The following CACNA1E variants were observed in gnomAD, a reference collection of about 807,000 sequenced individuals.
CACNA1E encodes the protein voltage-dependent R-type calcium channel subunit alpha-1E.
In CACNA1E, 40 loss-of-function variants were observed where a neutral mutation model predicts 259.2. The observed-to-expected ratio is 0.15, with a 90% CI of 0.12 to 0.20. CACNA1E has a LOEUF of 0.20. Among genes scored for constraint, CACNA1E ranks in the 10% least tolerant of loss-of-function variants. The pLI, the probability that CACNA1E is intolerant of heterozygous loss-of-function variation, is 1.00. For missense variants in CACNA1E, 1,874 were observed against 3,040.1 expected, an observed-to-expected ratio of 0.62 and a Z score of 9.02; for synonymous variants, 1,104 against 1,138.5, an observed-to-expected ratio of 0.97 and a Z score of 0.61.
chr1:181,482,306 G>A (rs1401913849), upstream of CACNA1E, among the ~76,000 whole-genome samples: 1 of 152,264 alleles, frequency 6.6e-6, no homozygotes, highest in Non-Finnish European at 1.5e-5. Context: ...ACAGGGCACA[G>A]CACTGGGGAC....
At chr1:181,425,512 A>G (rs1168119277) in intron 2 of CACNA1E, among the ~76,000 whole-genome samples, 1 of 150,686 alleles carries the variant, frequency 6.6e-6, no homozygotes, top group Non-Finnish European at 1.5e-5. Context: ...ATATTTATGA[A>G]ATTGCTGTAC....
At chr1:181,721,247 C>G (rs1654385871) in intron 15 of CACNA1E, among the ~76,000 whole-genome samples, 1 of 152,154 alleles carries the variant, frequency 6.6e-6, no homozygotes, top group African/African-American at 2.4e-5. Flanking sequence ...CCCTACTCCC[C>G]CCAAAACTCA....
At chr1:181,783,916 A>C in intron 40 of CACNA1E, 132 bp downstream of exon 40, 1 of 587,960 alleles carries the variant, frequency 1.7e-6, no homozygotes, top group East Asian at 2.8e-5. Flanking sequence ...CTGAACATCA[A>C]GTATCTGACT....
At chr1:181,477,799 C>T (rs4652657) in intron 2 of CACNA1E, among the ~76,000 whole-genome samples, 3,689 of 152,260 alleles carry the variant, frequency 0.024, 104 homozygotes, top group East Asian at 0.13. Context: ...CAAGTACTTA[C>T]GTAGCACATA....
chr1:181,782,883 A>T lies in CACNA1E; in HGVS notation c.5365-796A>T, dbSNP rs540985904. Among the ~76,000 whole-genome samples, 419 of 152,284 alleles carry T rather than the reference A, an allele frequency of 2.8e-3. 6 individuals are homozygous for T. The highest frequency in any genetic ancestry group is 8.2e-3 in the Admixed American group (126 of 15,302). On this transcript the variant is annotated intron_variant, in intron 39 of 47. Transcript: ENST00000367573. ...GCTTGGTGGGAGAAGGGGAGCGGGG[A>T]TTGGAGGAAAAGTTAAAGAGCTCCA...
chr1:181,597,448 A>G (rs1653300737), intron 6 of CACNA1E, among the ~76,000 whole-genome samples: 2 of 152,204 alleles, frequency 1.3e-5, no homozygotes, highest in Non-Finnish European at 1.5e-5. Context: ...GACAAAACAC[A>G]CTTCGTTGGG....
chr1:181,439,996 C>T (rs929302319), intron 2 of CACNA1E, among the ~76,000 whole-genome samples: 1 of 152,092 alleles, frequency 6.6e-6, no homozygotes, highest in African/African-American at 2.4e-5. Context: ...GAGTACAATC[C>T]TTTCGGCAAT....
At chr1:181,719,273 CA>C (rs1484129901) in intron 12 of CACNA1E, among the ~76,000 whole-genome samples, 2 of 152,200 alleles carry the variant, frequency 1.3e-5, no homozygotes, top group African/African-American at 4.8e-5. Flanking sequence ...GATCCTACAT[CA>C]CCATGAACTG....
At chr1:181,427,180 T>A (rs1426060383) in intron 2 of CACNA1E, among the ~76,000 whole-genome samples, 2 of 150,540 alleles carry the variant, frequency 1.3e-5, no homozygotes, top group Non-Finnish European at 3.0e-5. Context: ...AACGCCTCCC[T>A]ATTTCACCCT....
At chr1:181,561,739 T>A (rs1212994291) in intron 3 of CACNA1E, among the ~76,000 whole-genome samples, 1 of 152,242 alleles carries the variant, frequency 6.6e-6, no homozygotes, top group Non-Finnish European at 1.5e-5. Context: ...GTAGCTGTGA[T>A]AAATAACTAT....
At chr1:181,554,408 T>C (rs1196235101) in intron 3 of CACNA1E, among the ~76,000 whole-genome samples, 6 of 152,232 alleles carry the variant, frequency 3.9e-5, no homozygotes, top group Non-Finnish European at 8.8e-5. Flanking sequence ...ATTGTGTCAG[T>C]GTAGCAGATG....
intron 3 of CACNA1E, among the ~76,000 whole-genome samples, chr1:181,577,102 C>A (rs186091454): frequency 6.6e-6 from 1 of 152,270 alleles, no homozygotes; most frequent in Admixed American, 6.5e-5. Context: ...TTGGTGTACA[C>A]AATCTAATAG....
chr1:181,674,098 G>A (rs1239361671), intron 7 of CACNA1E, among the ~76,000 whole-genome samples: 1 of 151,910 alleles, frequency 6.6e-6, no homozygotes, highest in Non-Finnish European at 1.5e-5. Flanking sequence ...GTAAGCAGAG[G>A]GCTGGGCGCG....
At chr1:181,326,097 C>T (rs1200516959) in intron 1 of CACNA1E, among the ~76,000 whole-genome samples, 2 of 152,174 alleles carry the variant, frequency 1.3e-5, no homozygotes, top group East Asian at 1.9e-4. Flanking sequence ...CCTTCCCCAG[C>T]GCCTCATTTC....
intron 2 of CACNA1E, among the ~76,000 whole-genome samples, chr1:181,447,191 T>C (rs985333874): frequency 1.3e-5 from 2 of 148,918 alleles, no homozygotes; most frequent in Non-Finnish European, 3.0e-5. Context: ...TGTTATTCTA[T>C]TTTGGGATTT....
intron 1 of CACNA1E, among the ~76,000 whole-genome samples, chr1:181,408,274 G>T (rs931053199): frequency 6.6e-6 from 1 of 152,154 alleles, no homozygotes; most frequent in Non-Finnish European, 1.5e-5. Flanking sequence ...GTGGGAATAG[G>T]ATGGGCATGC....
intron 7 of CACNA1E, among the ~76,000 whole-genome samples, chr1:181,689,459 T>C (rs775477383): frequency 6.6e-6 from 1 of 152,228 alleles, no homozygotes; most frequent in Non-Finnish European, 1.5e-5. Flanking sequence ...TATATCTTTA[T>C]AGTAGAATGA....
intron 25 of CACNA1E, among the ~76,000 whole-genome samples, chr1:181,744,540 A>G (rs1656879336): frequency 6.6e-6 from 1 of 152,244 alleles, no homozygotes; most frequent in Non-Finnish European, 1.5e-5. Context: ...CACGCTCAGC[A>G]CAGCATAGAA....
At chr1:181,671,881 C>T (rs545458701) in intron 7 of CACNA1E, among the ~76,000 whole-genome samples, 1 of 152,326 alleles carries the variant, frequency 6.6e-6, no homozygotes, top group African/African-American at 2.4e-5. Context: ...ATTCCCATTA[C>T]TGGGTATATA....
Sources: allele counts gnomAD v4.1 joint callset (sites outside exome capture counted in the v4.1 genomes callset), GRCh38; gene constraint gnomAD v4.1.1; transcripts MANE v1.5; gene names NCBI Gene and HGNC (gene_info 2026-07-23, HGNC 2026-07-21).